GPC6: variants seen among roughly 807,000 people sequenced by gnomAD.
GPC6 encodes the protein glypican-6.
Under a neutral mutation model 55.2 loss-of-function variants are expected in GPC6, and 14 were observed. The ratio of observed to expected loss-of-function variants is 0.25; its 90% CI spans 0.17 to 0.40. The LOEUF is 0.40. Ranked by LOEUF, GPC6 falls within the 10% of genes least tolerant of loss-of-function variation. The probability of loss-of-function intolerance (pLI) is 1.00; values close to 1 mark genes in which losing one functional copy is unlikely to be tolerated. For synonymous variants in GPC6, 278 were observed against 259.6 expected, an observed-to-expected ratio of 1.07 and a Z score of -0.68; for missense variants, 641 against 708.5, an observed-to-expected ratio of 0.90 and a Z score of 1.08.
At chr13:93,845,426 G>A (rs1252562158) in intron 3 of GPC6, among the ~76,000 whole-genome samples, 157 of 141,690 alleles carry the variant, frequency 1.1e-3, no homozygotes, top group African/African-American at 4.0e-3. Flanking sequence ...TCAGTGTGGC[G>A]ATTCCTCAGG....
At chr13:94,198,194 T>C (rs1594048742) in intron 4 of GPC6, among the ~76,000 whole-genome samples, 1 of 152,130 alleles carries the variant, frequency 6.6e-6, no homozygotes, top group East Asian at 1.9e-4. Context: ...CAGCTTAGAC[T>C]CACAACCTAT....
At chr13:93,223,363 C>T (rs1875671207), upstream of GPC6, among the ~76,000 whole-genome samples, 3 of 152,162 alleles carry the variant, frequency 2.0e-5, no homozygotes, top group South Asian at 6.2e-4. Flanking sequence ...ACTGTATAAA[C>T]AGGAGTTGTA....
chr13:93,544,203 C>CT (rs879439641), intron 1 of GPC6, among the ~76,000 whole-genome samples: 1 of 151,818 alleles, frequency 6.6e-6, no homozygotes, highest in Non-Finnish European at 1.5e-5. Context: ...TACTTGTAAA[C>CT]TTTTTTTTAT....
intron 4 of GPC6, among the ~76,000 whole-genome samples, chr13:94,227,424 AG>A (rs1358481562): frequency 6.6e-6 from 1 of 152,216 alleles, no homozygotes; most frequent in Non-Finnish European, 1.5e-5. Flanking sequence ...TGCCAAGCCA[AG>A]GACACTGGGC....
intron 1 of GPC6, among the ~76,000 whole-genome samples, chr13:93,277,714 A>C (rs1877804896): frequency 6.6e-6 from 1 of 152,188 alleles, no homozygotes; most frequent in Non-Finnish European, 1.5e-5. Flanking sequence ...TTGTTCAACT[A>C]GACATAACTT....
At chr13:93,579,921 A>T (rs1422271993) in intron 2 of GPC6, among the ~76,000 whole-genome samples, 1 of 152,152 alleles carries the variant, frequency 6.6e-6, no homozygotes, top group Non-Finnish European at 1.5e-5. Flanking sequence ...TTTGCCCAAA[A>T]ATACACTTTT....
chr13:93,974,655 C>T (rs115907109), intron 3 of GPC6, among the ~76,000 whole-genome samples: 1,596 of 152,118 alleles, frequency 0.01, 35 homozygotes, highest in African/African-American at 0.037. Context: ...GATTTTCTTT[C>T]TTGAATAGAG....
chr13:94,062,470 C>T (rs1039127286), intron 4 of GPC6, among the ~76,000 whole-genome samples: 2 of 152,086 alleles, frequency 1.3e-5, no homozygotes, highest in South Asian at 2.1e-4. Flanking sequence ...AAGCTGGTCT[C>T]GAACTCCTGA....
At chr13:93,317,801 G>A (rs1421553022) in intron 1 of GPC6, among the ~76,000 whole-genome samples, 2 of 152,094 alleles carry the variant, frequency 1.3e-5, no homozygotes, top group Admixed American at 1.3e-4. Context: ...AGTATTTCTT[G>A]TTATACAGTC....
intron 3 of GPC6, among the ~76,000 whole-genome samples, chr13:93,929,890 A>G (rs1015701394): frequency 6.6e-6 from 1 of 152,008 alleles, no homozygotes; most frequent in African/African-American, 2.4e-5. Flanking sequence ...AAAGAAAATA[A>G]CAGAAAAGTA....
chr13:94,171,013 C>G (rs1403439875), intron 4 of GPC6, among the ~76,000 whole-genome samples: 1 of 152,116 alleles, frequency 6.6e-6, no homozygotes, highest in African/African-American at 2.4e-5. Context: ...TTTGTGTAGT[C>G]CCTGTGAAAA....
At position 93,585,144 on chromosome 13, in the gene GPC6, T is replaced by C. The variant is rs1050192663; in HGVS notation, c.319+39723T>C. ...AACATTTTCTTGTTGTGACAACCGATATGTGATGTAGTTTTTCAGTAGCAC... is the reference window on the plus strand; with the variant it reads ...AACATTTTCTTGTTGTGACAACCGACATGTGATGTAGTTTTTCAGTAGCAC... On this transcript the variant is annotated intron_variant, in intron 2 of 8. Coordinates refer to ENST00000377047, the MANE Select transcript of GPC6 (RefSeq NM_005708.5). Among the ~76,000 whole-genome samples, 6 of 152,372 alleles carry C rather than the reference T, an allele frequency of 3.9e-5. No individual in the cohort carries two copies. The South Asian group carries it at 1.2e-3, about 32-fold the overall frequency.
intron 4 of GPC6, among the ~76,000 whole-genome samples, chr13:94,189,036 T>A (rs984278651): frequency 6.6e-6 from 1 of 152,166 alleles, no homozygotes; most frequent in African/African-American, 2.4e-5. Context: ...GGATTCCTAA[T>A]ATGTGTTGCT....
intron 2 of GPC6, among the ~76,000 whole-genome samples, chr13:93,667,116 A>G (rs1228047881): frequency 6.6e-6 from 1 of 152,194 alleles, no homozygotes; most frequent in Non-Finnish European, 1.5e-5. Flanking sequence ...GCTAAGAGAC[A>G]TTTTTGGTCA....
chr13:94,279,480 C>G (rs7333962), intron 4 of GPC6, among the ~76,000 whole-genome samples: 96,245 of 151,676 alleles, frequency 0.63, 31,841 homozygotes, highest in African/African-American at 0.83. Context: ...CTTGCCTTCT[C>G]CTAGCTTTTG....
Position 93,403,328 on chromosome 13 carries a change from G to T in GPC6, c.161-141935G>T, listed in dbSNP as rs574299120. Among the ~76,000 whole-genome samples, 6 of 152,254 alleles carry T rather than the reference G, an allele frequency of 3.9e-5. No homozygotes were observed. The South Asian group carries it at 6.2e-4, about 16-fold the overall frequency. ...GGTGATTCAATTTCAGGTCTACACT[G>T]GTTGGTCTGGCTCTTCTTTTAGTAA... is the stretch of plus-strand genomic sequence containing the variant. On this transcript the variant is annotated intron_variant, in intron 1 of 8. Coordinates refer to ENST00000377047, the MANE Select transcript of GPC6 (RefSeq NM_005708.5).
At chr13:93,991,608 G>A (rs988065833) in intron 3 of GPC6, among the ~76,000 whole-genome samples, 2 of 152,190 alleles carry the variant, frequency 1.3e-5, no homozygotes, top group Non-Finnish European at 2.9e-5. Flanking sequence ...ATGCCATTCT[G>A]TAGTGGTAGT....
chr13:94,359,869 T>C (rs1878975369), intron 6 of GPC6, among the ~76,000 whole-genome samples: 1 of 152,238 alleles, frequency 6.6e-6, no homozygotes, highest in Non-Finnish European at 1.5e-5. Context: ...CTCAACCTTA[T>C]TCCCAAGTAC....
At chr13:93,760,303 G>A (rs1884916423) in intron 2 of GPC6, among the ~76,000 whole-genome samples, 1 of 152,198 alleles carries the variant, frequency 6.6e-6, no homozygotes, top group African/African-American at 2.4e-5. Flanking sequence ...CTCAGGATTG[G>A]AGAATACCCA....
Sources: gnomAD v4.1 joint callset for allele counts (sites outside exome capture counted in the v4.1 genomes callset) on GRCh38, gnomAD v4.1.1 for gene constraint, MANE v1.5 for transcripts, NCBI Gene and HGNC (gene_info 2026-07-23, HGNC 2026-07-21) for gene names.